The following STK11 variants were observed in gnomAD, a reference collection of about 807,000 sequenced individuals.
STK11 encodes the protein serine/threonine kinase 11, also known as serine/threonine-protein kinase STK11.
STK11 carries 8 observed loss-of-function variants against 47.3 expected under a neutral mutation model. The ratio of observed to expected loss-of-function variants is 0.17; its 90% confidence interval spans 0.10 to 0.31. The LOEUF is 0.31. Ranked by LOEUF, STK11 falls within the 10% of genes least tolerant of loss-of-function variation. The pLI is 1.00. For synonymous variants in STK11, 330 were observed against 255.8 expected (o/e 1.29, Z -2.77); for missense variants, 475 against 605.0 (o/e 0.79, Z 2.25).
chr19:1,224,590 C>T, intron 8 of STK11: 2 of 985,656 alleles, frequency 2.0e-6, no homozygotes, highest in South Asian at 9.4e-5. Flanking sequence ...CGCTGACCCC[C>T]ACGGCCGCCC....
chr19:1,206,578 C>T lies in STK11; in HGVS notation c.-336C>T. ...ACTGAAAAGCCCCGGCCGGCCTCCCCAGGGTCCCCGAGGACGAAGTTGACC... is the reference window on the plus strand; with the variant it reads ...ACTGAAAAGCCCCGGCCGGCCTCCCTAGGGTCCCCGAGGACGAAGTTGACC... On this transcript the variant is annotated 5_prime_UTR_variant, in exon 1 of 10. Transcript: ENST00000326873. 1 of 420,236 alleles carries T rather than the reference C, an allele frequency of 2.4e-6. No homozygotes were observed. Among genetic ancestry groups the T allele is most frequent in the Non-Finnish European group, 4.3e-6 (1 of 233,570 alleles). The allele number at this position is 420,236 out of a possible 1,614,324, so 26.0% of individuals were successfully genotyped here. A position where few individuals can be genotyped will look rare whatever the true frequency, so the allele number is the denominator to read the frequency against.
chr19:1,209,012 G>A (rs1460480648), intron 1 of STK11, among the ~76,000 whole-genome samples: 2 of 152,270 alleles, frequency 1.3e-5, no homozygotes, highest in South Asian at 4.1e-4. Context: ...AGCAGTCAGG[G>A]TTAAATGGGA....
chr19:1,219,435 C>A, intron 3 of STK11, 22 bp downstream of exon 3: 1 of 1,159,084 alleles, frequency 8.6e-7, no homozygotes, highest in Non-Finnish European at 1.2e-6. Context: ...GGGCAGGGGC[C>A]AGGGTGGGGC....
chr19:1,214,084 G>A (rs1186615564), intron 1 of STK11, among the ~76,000 whole-genome samples: 1 of 152,242 alleles, frequency 6.6e-6, no homozygotes, highest in Admixed American at 6.5e-5. Flanking sequence ...GGAGCGGCTG[G>A]CGATGCCCCA....
intron 8 of STK11, 42 bp downstream of exon 8, chr19:1,223,214 C>A (rs1044823364): frequency 6.3e-7 from 1 of 1,580,294 alleles, no homozygotes; most frequent in Non-Finnish European, 8.6e-7. Context: ...GCTGACTCGG[C>A]CAGGATGTCC....
chr19:1,223,779 G>T, intron 8 of STK11: 2 of 1,037,750 alleles, frequency 1.9e-6, no homozygotes, highest in Non-Finnish European at 2.3e-6. Context: ...TAGCGTAGGG[G>T]CGGCCCACAT....
chr19:1,228,236 C>A lies in STK11; in HGVS notation c.*660C>A, dbSNP rs779428892. On this transcript the variant is annotated 3_prime_UTR_variant, in exon 10 of 10. Transcript: ENST00000326873. Reference sequence around the variant, plus strand: ...GAGGGCAGGACCCTCACCTCTCCCCCAAGGCCACTGCGCTCTTGGGACCCC... The same window carrying A: ...GAGGGCAGGACCCTCACCTCTCCCCAAAGGCCACTGCGCTCTTGGGACCCC... 27 of 641,974 alleles carry A rather than the reference C, an allele frequency of 4.2e-5. No homozygotes were observed. The highest frequency in any genetic ancestry group is 5.1e-5 in the Non-Finnish European group (25 of 492,872). 39.8% of individuals were successfully genotyped at this position (641,974 alleles called of 1,614,324 possible). A position where few individuals can be genotyped will look rare whatever the true frequency, so the allele number is the denominator to read the frequency against.
intron 3 of STK11, 143 bp from the exon 4 acceptor site, chr19:1,220,230 C>A: frequency 8.6e-7 from 1 of 1,162,532 alleles, no homozygotes; most frequent in Non-Finnish European, 1.2e-6. Flanking sequence ...TGGACCTAGC[C>A]TTTCCTCTGT....
rs1290811050 is a variant in STK11 at position 1,220,583 on chromosome 19, A to G, written c.600A>G (p.Ala200=). ...LKISDLGVAE[A]LHPFAADDTC... Reference sequence around the variant, plus strand: ...AGGGCTGCACGGCACCGCCACAGGCACTGCACCCGTTCGCGGCGGACGACA... The same window carrying G: ...AGGGCTGCACGGCACCGCCACAGGCGCTGCACCCGTTCGCGGCGGACGACA... The change falls in exon 5 of 10, where the codon GCA becomes GCG. Residue 200 remains alanine, a splice_region_variant and synonymous_variant. Coordinates refer to ENST00000326873, the MANE Select transcript of STK11 (RefSeq NM_000455.5). 3 of 1,583,760 alleles carry G rather than the reference A, an allele frequency of 1.9e-6. No individual in the cohort carries two copies. Among genetic ancestry groups the G allele is most frequent in the East Asian group, 4.6e-5 (2 of 43,370 alleles).
In STK11 at chr19:1,225,756, C is replaced by T. The variant is rs551698411; in HGVS notation, c.1109-698C>T. The stretch of plus-strand genomic sequence containing the variant: ...CCCGGGAGGGGCCTCGGGGATGGCT[C>T]GGCAGCCAGTGTGTTCGCGGAGTCC... On this transcript the variant is annotated intron_variant, in intron 8 of 9. Coordinates refer to ENST00000326873, the MANE Select transcript of STK11 (RefSeq NM_000455.5). 2.3e-4 allele frequency: 222 copies of T among 985,542 alleles called. No homozygotes were observed. The African/African-American group carries it at 3.4e-3, about 15-fold the overall frequency. 61.0% of individuals were successfully genotyped at this position (985,542 alleles called of 1,614,324 possible).
chr19:1,208,695 G>C (rs1274481412), intron 1 of STK11, among the ~76,000 whole-genome samples: 1 of 123,430 alleles, frequency 8.1e-6, no homozygotes, highest in Non-Finnish European at 1.6e-5. Flanking sequence ...TTGGCTCACT[G>C]CAATCTCCGC....
At chr19:1,214,485 G>A (rs1327977272) in intron 1 of STK11, among the ~76,000 whole-genome samples, 2 of 152,216 alleles carry the variant, frequency 1.3e-5, no homozygotes, top group Non-Finnish European at 2.9e-5. Context: ...CCTTCGGTGA[G>A]GGCGAGTCCT....
intron 9 of STK11, chr19:1,226,910 G>A (rs1000988286): frequency 1.6e-5 from 8 of 508,912 alleles, no homozygotes; most frequent in Middle Eastern, 5.0e-4. Flanking sequence ...GGGGCGTGCC[G>A]TCCTCACAGC....
rs778376925 is a variant in STK11 at position 1,207,093 on chromosome 19, C to T, written c.180C>T (p.Tyr60=). ...LMGDLLGEGS[Y]GKVKEVLDSE... ...GGGACCTGCTGGGGGAAGGCTCTTACGGCAAGGTGAAGGAGGTGCTGGACT... is the reference window on the plus strand; with the variant it reads ...GGGACCTGCTGGGGGAAGGCTCTTATGGCAAGGTGAAGGAGGTGCTGGACT... The change falls in exon 1 of 10, where the codon TAC becomes TAT. Residue 60 remains tyrosine, a synonymous_variant. Transcript: ENST00000326873. The T allele has an allele frequency of 1.3e-5, 21 of 1,613,918 alleles. No homozygotes were observed. Among genetic ancestry groups the T allele is most frequent in the South Asian group, 2.2e-5 (2 of 91,078 alleles).
rs566823619 is a variant in STK11 at position 1,220,679 on chromosome 19, C to T, written c.696C>T (p.Ser232=). The change falls in exon 5 of 10, where the codon TCC becomes TCT. Residue 232 remains serine (S), a synonymous_variant. Transcript: ENST00000326873. ...PEIANGLDTF[S]GFKVDIWSAG... Reference sequence around the variant, plus strand: ...TTGCCAACGGCCTGGACACCTTCTCCGGCTTCAAGGTGGACATCTGGTCGG... The same window carrying T: ...TTGCCAACGGCCTGGACACCTTCTCTGGCTTCAAGGTGGACATCTGGTCGG... 1.2e-5 allele frequency: 20 copies of T among 1,610,948 alleles called. No individual in the cohort carries two copies. The highest frequency in any genetic ancestry group is 8.3e-5 in the Admixed American group (5 of 59,966).
At chr19:1,216,592 A>C (rs980233980) in intron 1 of STK11, among the ~76,000 whole-genome samples, 2 of 151,318 alleles carry the variant, frequency 1.3e-5, no homozygotes, top group East Asian at 3.9e-4. Flanking sequence ...AAAAAAAAAA[A>C]CAAGAAATGG....
intron 8 of STK11, chr19:1,226,176 C>G (rs1194007723): frequency 1.5e-6 from 2 of 1,304,986 alleles, no homozygotes; most frequent in Non-Finnish European, 2.0e-6. Flanking sequence ...GCAGTCAGTA[C>G]CTGGGTGGGG....
chr19:1,215,447 G>A (rs552561086), intron 1 of STK11, among the ~76,000 whole-genome samples: 8 of 152,328 alleles, frequency 5.3e-5, no homozygotes, highest in Non-Finnish European at 1.0e-4. Context: ...CACTGGCTCC[G>A]CTTCTGGGGG....
In STK11 at chr19:1,228,039, T is replaced by A; in HGVS notation, c.*463T>A. 9.4e-7 allele frequency: 1 copy of A among 1,065,564 alleles called. No individual in the cohort carries two copies. Among genetic ancestry groups the A allele is most frequent in the Non-Finnish European group, 1.1e-6 (1 of 879,610 alleles). The allele number at this position is 1,065,564 out of a possible 1,614,324, so 66.0% of individuals were successfully genotyped here. A position where few individuals can be genotyped will look rare whatever the true frequency, so the allele number is the denominator to read the frequency against. On this transcript the variant is annotated 3_prime_UTR_variant, in exon 10 of 10. Coordinates refer to ENST00000326873, the MANE Select transcript of STK11 (RefSeq NM_000455.5). ...CGGCCGCTTTGGTTTTTTGTTTGGT[T>A]GGTTCCATTTTCTTTTTTTCTTTTT...
Sources: gnomAD v4.1 joint callset for allele counts (sites outside exome capture counted in the v4.1 genomes callset) on GRCh38, gnomAD v4.1.1 for gene constraint, MANE v1.5 for transcripts, NCBI Gene and HGNC (gene_info 2026-07-23, HGNC 2026-07-21) for gene names.